Variants in BRD10 observed in about 807,000 individuals in gnomAD.
BRD10 encodes the protein uncharacterized bromodomain-containing protein 10.
chr9:5,921,601 G>A, the BRD10 span: 1 of 1,613,962 alleles, frequency 6.2e-7, no homozygotes, highest in Non-Finnish European at 8.5e-7. Context: ...GAGTCCCACT[G>A]ATTACATCTC....
chr9:5,914,609 G>A, the BRD10 span, among the ~76,000 whole-genome samples: 1 of 151,756 alleles, frequency 6.6e-6, no homozygotes, highest in African/African-American at 2.4e-5. Context: ...ATTTTTAGTA[G>A]AGACGGGGTT....
At chr9:5,982,070 ATTT>A in the BRD10 span, among the ~76,000 whole-genome samples, 221 of 148,314 alleles carry the variant, frequency 1.5e-3, 1 homozygote, top group South Asian at 0.011. Flanking sequence ...TATATATATT[ATTT>A]TTAAGTTGCC....
the BRD10 span, among the ~76,000 whole-genome samples, chr9:5,964,801 C>T: frequency 8.6e-6 from 1 of 116,146 alleles, no homozygotes; most frequent in African/African-American, 3.2e-5. Context: ...TAAACTATCG[C>T]AAGAACAAAA....
At chr9:5,968,164 T>G in the BRD10 span, 4 of 1,603,240 alleles carry the variant, frequency 2.5e-6, no homozygotes, top group Non-Finnish European at 3.4e-6. Context: ...TCAATTTCTT[T>G]TTTTTCTTTT....
the BRD10 span, among the ~76,000 whole-genome samples, chr9:5,959,775 T>C: frequency 6.6e-6 from 1 of 152,294 alleles, no homozygotes; most frequent in African/African-American, 2.4e-5. Context: ...AAGCAGCTCA[T>C]TACTTTTTAC....
the BRD10 span, among the ~76,000 whole-genome samples, chr9:5,890,355 A>G: frequency 0.013 from 1,945 of 152,306 alleles, 22 homozygotes; most frequent in Non-Finnish European, 0.02. Context: ...AAAATATTGT[A>G]TGGGACATAG....
At chr9:5,987,592 T>TC in the BRD10 span, among the ~76,000 whole-genome samples, 2 of 152,188 alleles carry the variant, frequency 1.3e-5, no homozygotes, top group African/African-American at 2.4e-5. Flanking sequence ...AGGCTGAGTT[T>TC]CAATCCTACA....
chr9:5,888,494 A>C, the BRD10 span, among the ~76,000 whole-genome samples: 1 of 152,260 alleles, frequency 6.6e-6, no homozygotes, highest in East Asian at 1.9e-4. Flanking sequence ...GACAAAAAGC[A>C]AATTCAAGTG....
chr9:5,924,386 T>A, the BRD10 span, among the ~76,000 whole-genome samples: 2 of 152,004 alleles, frequency 1.3e-5, no homozygotes, highest in African/African-American at 4.8e-5. Context: ...CAAGTGATAC[T>A]CCTATCTCGA....
the BRD10 span, among the ~76,000 whole-genome samples, chr9:5,995,800 T>A: frequency 6.6e-6 from 1 of 152,156 alleles, no homozygotes; most frequent in Admixed American, 6.5e-5. Context: ...TCATTCATAT[T>A]ATTCAAATAT....
chr9:5,960,945 G>A, the BRD10 span, among the ~76,000 whole-genome samples: 4 of 152,274 alleles, frequency 2.6e-5, no homozygotes, highest in African/African-American at 9.6e-5. Context: ...GGGAAAAAAA[G>A]CAGATTGTTA....
the BRD10 span, among the ~76,000 whole-genome samples, chr9:5,966,822 G>A: frequency 6.6e-6 from 1 of 152,048 alleles, no homozygotes; most frequent in East Asian, 1.9e-4. Context: ...AAAACAAATG[G>A]ATCGCTTATA....
At chr9:6,007,791 C>G in the BRD10 span, 2 of 1,529,758 alleles carry the variant, frequency 1.3e-6, no homozygotes, top group Admixed American at 4.2e-5. Flanking sequence ...CACTCATGCC[C>G]CGGCAGGCCT....
At chr9:5,918,623 G>A in the BRD10 span, among the ~76,000 whole-genome samples, 1 of 147,178 alleles carries the variant, frequency 6.8e-6, no homozygotes, top group Non-Finnish European at 1.5e-5. Context: ...AAGTAATTGT[G>A]GTTTTTTGCC....
the BRD10 span, chr9:5,929,006 C>A: frequency 8.9e-7 from 1 of 1,118,426 alleles, no homozygotes; most frequent in Non-Finnish European, 1.3e-6. Flanking sequence ...AATTAAGGAC[C>A]ATAAAATAAG....
the BRD10 span, chr9:5,922,384 G>A: frequency 1.9e-6 from 3 of 1,613,964 alleles, no homozygotes; most frequent in East Asian, 2.2e-5. Flanking sequence ...CCTCACTCTG[G>A]CTAGTCTTAA....
the BRD10 span, chr9:5,920,409 C>T: frequency 6.2e-7 from 1 of 1,613,970 alleles, no homozygotes; most frequent in South Asian, 1.1e-5. Context: ...TGACTCCCGA[C>T]TAGACTAGTT....
chr9:5,917,294 C>T, the BRD10 span, among the ~76,000 whole-genome samples: 29 of 152,276 alleles, frequency 1.9e-4, no homozygotes, highest in African/African-American at 7.0e-4. Flanking sequence ...TAATAAGAAC[C>T]TGTAATGGAA....
At chr9:6,007,994 AG>A in the BRD10 span, 32 of 1,274,598 alleles carry the variant, frequency 2.5e-5, no homozygotes, top group Middle Eastern at 3.0e-4. Flanking sequence ...GCGCGCGAGG[AG>A]GGGGGAGAGA....
Sources: allele counts gnomAD v4.1 joint callset (sites outside exome capture counted in the v4.1 genomes callset), GRCh38; gene constraint gnomAD v4.1.1; transcripts MANE v1.5; gene names NCBI Gene and HGNC (gene_info 2026-07-23, HGNC 2026-07-21).